The following ZFAT variants were observed in gnomAD, a reference collection of about 807,000 sequenced individuals.
ZFAT encodes zinc finger and AT-hook domain containing.
ZFAT carries 64 observed loss-of-function variants against 117.7 expected under a neutral mutation model. That is an observed-to-expected ratio of 0.54 (90% CI 0.44 to 0.67). The LOEUF is 0.67. Among genes scored for constraint, ZFAT ranks in the 30% least tolerant of loss-of-function variants. The pLI, the probability that ZFAT is intolerant of heterozygous loss-of-function variation, is 0.00. For missense variants in ZFAT, 1,433 were observed against 1,584.5 expected, an observed-to-expected ratio of 0.90 and a Z score of 1.62; for synonymous variants, 679 against 615.0, an observed-to-expected ratio of 1.10 and a Z score of -1.54.
rs149112539 is a variant in ZFAT, at chr8:134,631,871, T to C, written c.448+5590A>G. Among the ~76,000 whole-genome samples the C allele has an allele frequency of 1.6e-4, 25 of 152,388 alleles. No individual in the cohort carries two copies. The East Asian group carries it at 4.4e-3, about 27-fold the overall frequency. On this transcript the variant is annotated intron_variant, in intron 3 of 15. Coordinates refer to ENST00000377838, the MANE Select transcript of ZFAT (RefSeq NM_020863.4). Reference sequence around the variant, plus strand: ...ATGGGACTCTTCTGTATTATCTTTGTAGCTTCCTGTGAATTCATAATTATT... The same window carrying C: ...ATGGGACTCTTCTGTATTATCTTTGCAGCTTCCTGTGAATTCATAATTATT...
At chr8:134,549,354 T>C (rs896875781) in intron 11 of ZFAT, among the ~76,000 whole-genome samples, 3 of 147,894 alleles carry the variant, frequency 2.0e-5, no homozygotes, top group African/African-American at 7.6e-5. Context: ...GGCAGGAGAA[T>C]GGCGTGAACC....
chr8:134,755,356 T>G, the ZFAT span, among the ~76,000 whole-genome samples: 2,803 of 143,418 alleles, frequency 0.02, 73 homozygotes, highest in African/African-American at 0.07. Flanking sequence ...GAGGTTGCAG[T>G]GAGCCAAGAT....
chr8:134,590,557 C>T (rs983251844), intron 7 of ZFAT, among the ~76,000 whole-genome samples: 5 of 146,446 alleles, frequency 3.4e-5, no homozygotes, highest in African/African-American at 7.6e-5. Flanking sequence ...GTCATCACCA[C>T]CATCACTACT....
chr8:134,627,029 C>A (rs1829563855), intron 3 of ZFAT, among the ~76,000 whole-genome samples: 1 of 152,154 alleles, frequency 6.6e-6, no homozygotes, highest in South Asian at 2.1e-4. Context: ...ACAAAAGAAT[C>A]CATAAGACCA....
chr8:134,665,184 T>G (rs9785154), intron 1 of ZFAT, among the ~76,000 whole-genome samples: 5 of 151,958 alleles, frequency 3.3e-5, no homozygotes, highest in African/African-American at 1.2e-4. Flanking sequence ...TCATAGGCCC[T>G]GAGGGGGAGA....
At position 134,532,966 on chromosome 8, in the gene ZFAT, G is replaced by A. The variant is rs767758480; in HGVS notation, c.2983C>T (p.Arg995Cys). ...CAGGAGTAATGGCAATGGGCACAGC[G>A]GAAAGGCTGCGGGGACAATGAGGAG... Reference protein sequence around the residue: ...MEQHVSFKPFRCAHCHYSCNI... With the variant: ...MEQHVSFKPFCCAHCHYSCNI... Residue 995 changes from arginine (R) to cysteine (C), a missense_variant, in exon 12 of 16, where the codon CGC becomes TGC. By Grantham distance (180) the Arg-to-Cys change is radical. Transcript: ENST00000377838. 52 of 1,602,666 alleles carry A rather than the reference G, an allele frequency of 3.2e-5. No individual in the cohort carries two copies. Among genetic ancestry groups the A allele is most frequent in the Admixed American group, 6.9e-5 (4 of 58,354 alleles).
Position 134,478,551 on chromosome 8 carries a change from G to T in ZFAT, c.3663C>A (p.Ile1221=). The change falls in exon 16 of 16, where the codon ATC becomes ATA. Residue 1221 remains isoleucine (I), a synonymous_variant. Coordinates refer to ENST00000377838, the MANE Select transcript of ZFAT (RefSeq NM_020863.4). This position sits in a 1 kb window ranked among gnomAD's most constrained non-coding sequence, Gnocchi z 5.2. ...YTQGGEASEF[I]VYVQEAMQPV... ...GCTGCATGGCCTCCTGCACGTAGAC[G>T]ATGAACTCCGAGGCCTCCCCGCCCT... 1.9e-6 allele frequency: 3 copies of T among 1,594,536 alleles called. No individual in the cohort carries two copies. Among genetic ancestry groups the T allele is most frequent in the Non-Finnish European group, 2.6e-6 (3 of 1,171,202 alleles).
In ZFAT at chr8:134,712,892, A is replaced by G. The variant is rs1483762123; in HGVS notation, c.-29T>C. The G allele has an allele frequency of 8.6e-6, 13 of 1,506,214 alleles. No individual in the cohort carries two copies. In the South Asian group the frequency reaches 1.4e-4, roughly 16 times the overall value. 93.3% of individuals were successfully genotyped at this position (1,506,214 alleles called of 1,614,324 possible). A position where few individuals can be genotyped will look rare whatever the true frequency, so the allele number is the denominator to read the frequency against. ...AACGCCCCACCGCGGAGGAAAAAAA[A>G]GCCTCGGGCTCTTCCGGGCCCCCTC... On this transcript the variant is annotated 5_prime_UTR_variant, in exon 1 of 16. Transcript: ENST00000377838.
the ZFAT span, chr8:134,800,729 G>A: frequency 9.4e-6 from 3 of 320,552 alleles, no homozygotes; most frequent in Admixed American, 8.5e-5. Context: ...AAGATATCCT[G>A]AGAGAAAGTG....
the ZFAT span, chr8:134,794,988 A>AT: frequency 6.6e-6 from 1 of 152,226 alleles, no homozygotes; most frequent in South Asian, 2.1e-4. Context: ...TTTTATTTTA[A>AT]TTTTTTTAAC....
intron 1 of ZFAT, among the ~76,000 whole-genome samples, chr8:134,679,990 C>G (rs141239453): frequency 6.6e-6 from 1 of 151,778 alleles, no homozygotes; most frequent in East Asian, 1.9e-4. Context: ...ATACCTAATG[C>G]AGATGACAGG....
intron 3 of ZFAT, among the ~76,000 whole-genome samples, chr8:134,629,005 G>T (rs1829707003): frequency 6.6e-6 from 1 of 152,226 alleles, no homozygotes; most frequent in African/African-American, 2.4e-5. Context: ...CACAGAGCAT[G>T]AATTGGGGTA....
chr8:134,632,293 T>G (rs1829941050), intron 3 of ZFAT, among the ~76,000 whole-genome samples: 1 of 152,196 alleles, frequency 6.6e-6, no homozygotes, highest in South Asian at 2.1e-4. Context: ...CTAGCTTACT[T>G]TATTATAAGG....
chr8:134,798,483 T>C, the ZFAT span, among the ~76,000 whole-genome samples: 1 of 152,072 alleles, frequency 6.6e-6, no homozygotes, highest in Non-Finnish European at 1.5e-5. Flanking sequence ...ATACAGTGTT[T>C]TAAAAAATGA....
the ZFAT span, among the ~76,000 whole-genome samples, chr8:134,769,755 C>T: frequency 6.6e-6 from 1 of 152,184 alleles, no homozygotes; most frequent in East Asian, 1.9e-4. Flanking sequence ...CATCCCCCAC[C>T]CATCAAACTT....
upstream of ZFAT, among the ~76,000 whole-genome samples, chr8:134,717,088 G>T (rs1374950894): frequency 6.6e-6 from 1 of 152,212 alleles, no homozygotes; most frequent in Non-Finnish European, 1.5e-5. Flanking sequence ...TTAGCCAGAT[G>T]TCCTAAGGGA....
intron 5 of ZFAT, among the ~76,000 whole-genome samples, chr8:134,607,012 CA>C (rs1473395134): frequency 2.0e-5 from 3 of 152,142 alleles, no homozygotes; most frequent in South Asian, 2.1e-4. Flanking sequence ...AATCCTTACG[CA>C]AAAACATCTC....
chr8:134,513,376 T>C (rs1820006001), intron 13 of ZFAT, among the ~76,000 whole-genome samples: 1 of 152,180 alleles, frequency 6.6e-6, no homozygotes, highest in Non-Finnish European at 1.5e-5. Context: ...TTTTGTATTT[T>C]TAGTATTTTT....
intron 1 of ZFAT, among the ~76,000 whole-genome samples, chr8:134,691,510 G>A (rs1490541162): frequency 6.6e-6 from 1 of 152,266 alleles, no homozygotes. Context: ...GTTCTGGCCT[G>A]CAGGCTTGCA....
Sources: gnomAD v4.1 joint callset for allele counts (sites outside exome capture counted in the v4.1 genomes callset) on GRCh38, gnomAD v4.1.1 for gene constraint, Gnocchi (gnomAD v3.1) non-coding constraint, MANE v1.5 for transcripts, NCBI Gene and HGNC (gene_info 2026-07-23, HGNC 2026-07-21) for gene names.